TMEM51: variants seen among roughly 807,000 people sequenced by gnomAD.
The protein encoded by TMEM51 is chromosome 1 open reading frame 72.
A neutral mutation model predicts 13.6 loss-of-function variants in TMEM51; 8 were observed. That is an observed-to-expected ratio of 0.59 (90% CI 0.35 to 1.07). The LOEUF is 1.07. TMEM51 is among the 50% of genes least tolerant of loss of function. The pLI is 0.02. For synonymous variants in TMEM51, 147 were observed against 144.4 expected (o/e 1.02, Z -0.13); for missense variants, 279 against 330.7 (o/e 0.84, Z 1.21).
chr1:15,163,005 G>A (rs894536468), intron 1 of TMEM51, among the ~76,000 whole-genome samples: 1 of 151,992 alleles, frequency 6.6e-6, no homozygotes, highest in African/African-American at 2.4e-5. Context: ...GGTTAAGATA[G>A]TCAACTTTAT....
chr1:15,196,893 T>G (rs1175750142), intron 1 of TMEM51, among the ~76,000 whole-genome samples: 1 of 152,216 alleles, frequency 6.6e-6, no homozygotes, highest in Non-Finnish European at 1.5e-5. Flanking sequence ...TTTCTAGTTT[T>G]GGCATTCTAG....
intron 1 of TMEM51, among the ~76,000 whole-genome samples, chr1:15,193,511 C>T (rs78730502): frequency 0.015 from 2,320 of 152,096 alleles, 62 homozygotes; most frequent in African/African-American, 0.053. Flanking sequence ...TGTCCTGTGC[C>T]GGACCTGGAC....
chr1:15,194,350 T>C (rs1000919399), intron 1 of TMEM51, among the ~76,000 whole-genome samples: 1 of 152,244 alleles, frequency 6.6e-6, no homozygotes, highest in Non-Finnish European at 1.5e-5. Flanking sequence ...AGAAACTTGA[T>C]GAAAGCTAGT....
intron 1 of TMEM51, chr1:15,191,743 A>G (rs12734119): frequency 0.085 from 15,440 of 181,076 alleles, 12 homozygotes; most frequent in East Asian, 0.19. Context: ...CTCTGGGGAG[A>G]AATTTTTTTT....
chr1:15,153,240 T>G (rs1573358126), upstream of TMEM51, among the ~76,000 whole-genome samples: 2 of 150,656 alleles, frequency 1.3e-5, no homozygotes, highest in South Asian at 2.1e-4. Flanking sequence ...GGAGGAGAGG[T>G]GAGTATCCCG....
Position 15,219,874 on chromosome 1 carries a change from G to A in TMEM51, c.*131G>A. 1 of 1,024,000 alleles carries A rather than the reference G, an allele frequency of 9.8e-7. No homozygotes were observed. Among genetic ancestry groups the A allele is most frequent in the Non-Finnish European group, 1.4e-6 (1 of 718,770 alleles). The allele number at this position is 1,024,000 out of a possible 1,614,324, so 63.4% of individuals were successfully genotyped here. ...GCATGGAGCCATTTGGATGGCGGCG[G>A]GCGGGGGGGGATTCTCTGTATCAGG... On this transcript the variant is annotated 3_prime_UTR_variant, in exon 4 of 4. Coordinates refer to ENST00000376008, the MANE Select transcript of TMEM51 (RefSeq NM_001136218.2).
At chr1:15,215,462 G>C (rs2100360315) in intron 3 of TMEM51, 31 bp downstream of exon 3, 1 of 1,547,472 alleles carries the variant, frequency 6.5e-7, no homozygotes, top group African/African-American at 1.4e-5. Flanking sequence ...TCCCTCCCCG[G>C]ATCGGGGATG....
intron 1 of TMEM51, among the ~76,000 whole-genome samples, chr1:15,202,670 T>C (rs995741523): frequency 6.6e-6 from 1 of 152,150 alleles, no homozygotes; most frequent in East Asian, 1.9e-4. Flanking sequence ...AGGCTACTAC[T>C]CATCAAATTG....
chr1:15,201,656 A>G (rs895960194), intron 1 of TMEM51, among the ~76,000 whole-genome samples: 33 of 152,294 alleles, frequency 2.2e-4, no homozygotes, highest in African/African-American at 7.2e-4. Flanking sequence ...TGCTTCGAGT[A>G]GGAAAGTCAG....
chr1:15,212,385 T>C (rs896511009), intron 2 of TMEM51, among the ~76,000 whole-genome samples: 3 of 152,202 alleles, frequency 2.0e-5, no homozygotes, highest in Non-Finnish European at 4.4e-5. Context: ...CTTTCTCTCG[T>C]GCAGCATAAG....
At chr1:15,191,900 G>A (rs1242865239) in intron 1 of TMEM51, 3 of 527,780 alleles carry the variant, frequency 5.7e-6, no homozygotes, top group Non-Finnish European at 1.2e-5. Context: ...CTTTTAGCAC[G>A]TTGTTTGTTC....
Position 15,220,217 on chromosome 1 carries a change from A to G in TMEM51, c.*474A>G, listed in dbSNP as rs1043301627. On this transcript the variant is annotated 3_prime_UTR_variant, in exon 4 of 4. Coordinates refer to ENST00000376008, the MANE Select transcript of TMEM51 (RefSeq NM_001136218.2). ...CACGACCTGGCTTTGTAGAAAGGAC[A>G]CAGGGCTGTTTTATGAACTAAGCGG... The G allele has an allele frequency of 1.2e-5, 2 of 165,656 alleles. No individual in the cohort carries two copies. The highest frequency in any genetic ancestry group is 2.7e-5 in the Non-Finnish European group (2 of 75,384). 10.3% of individuals were successfully genotyped at this position (165,656 alleles called of 1,614,324 possible).
In TMEM51 at chr1:15,168,824, G is replaced by A. The variant is rs114568915; in HGVS notation, c.-267+14870G>A. On this transcript the variant is annotated intron_variant, in intron 1 of 3. Coordinates refer to ENST00000376008, the MANE Select transcript of TMEM51 (RefSeq NM_001136218.2). Reference sequence around the variant, plus strand: ...TTTAGGGGAATTCCTGGGAGTCAGAGCCATATCCGGCTCATGATAAAAGTT... The same window carrying A: ...TTTAGGGGAATTCCTGGGAGTCAGAACCATATCCGGCTCATGATAAAAGTT... 3.2e-3 allele frequency: 4,001 copies of A among 1,258,522 alleles called. 97 individuals carry two copies. In the African/African-American group the frequency reaches 0.054, roughly 17 times the overall value. 78.0% of individuals were successfully genotyped at this position (1,258,522 alleles called of 1,614,324 possible). A position where few individuals can be genotyped will look rare whatever the true frequency, so the allele number is the denominator to read the frequency against.
intron 1 of TMEM51, among the ~76,000 whole-genome samples, chr1:15,194,516 G>T (rs1191535030): frequency 1.3e-5 from 2 of 152,308 alleles, no homozygotes; most frequent in East Asian, 3.9e-4. Flanking sequence ...CTGTGGAATT[G>T]GGGAGCCACC....
In TMEM51 at chr1:15,207,866, G is replaced by A. The variant is rs1427933478; in HGVS notation, c.-266-2624G>A. Among the ~76,000 whole-genome samples the A allele has an allele frequency of 1.3e-5, 2 of 152,090 alleles. No homozygotes were observed. The highest frequency in any genetic ancestry group is 4.8e-5 in the African/African-American group (2 of 41,390). The stretch of plus-strand genomic sequence containing the variant: ...TGTTGCCGGCAAATTATTTGCATAC[G>A]GATACAAGATTTGGGTATCTGGATC... On this transcript the variant is annotated intron_variant, in intron 1 of 3. Transcript: ENST00000376008. The surrounding 1 kb of genome is among the most constrained non-coding windows in gnomAD (Gnocchi z 4.6).
At chr1:15,188,585 A>C (rs1643857280) in intron 1 of TMEM51, among the ~76,000 whole-genome samples, 1 of 152,144 alleles carries the variant, frequency 6.6e-6, no homozygotes, top group Admixed American at 6.5e-5. Context: ...ATAGCTTTAC[A>C]CTCCAGAAAG....
At chr1:15,152,767 G>A (rs992295267), upstream of TMEM51, 2 of 65,926 alleles carry the variant, frequency 3.0e-5, no homozygotes, top group Non-Finnish European at 8.8e-5. Flanking sequence ...TCTCCAAGGG[G>A]CGGAGGCAGA....
At chr1:15,167,684 A>G (rs1176942060) in intron 1 of TMEM51, among the ~76,000 whole-genome samples, 1 of 152,152 alleles carries the variant, frequency 6.6e-6, no homozygotes, top group Non-Finnish European at 1.5e-5. Context: ...CATTGATAAT[A>G]TCCTCCCCTC....
At chr1:15,153,048 G>A (rs986957498), upstream of TMEM51, among the ~76,000 whole-genome samples, 4 of 152,208 alleles carry the variant, frequency 2.6e-5, no homozygotes, top group African/African-American at 9.6e-5. Flanking sequence ...GCCGGGACTC[G>A]GGCGTGCGAT....
Sources: gnomAD v4.1 joint callset for allele counts (sites outside exome capture counted in the v4.1 genomes callset) on GRCh38, gnomAD v4.1.1 for gene constraint, Gnocchi (gnomAD v3.1) non-coding constraint, MANE v1.5 for transcripts, NCBI Gene and HGNC (gene_info 2026-07-23, HGNC 2026-07-21) for gene names.